FABP6: variants seen among roughly 807,000 people sequenced by gnomAD.
FABP6 encodes gastrotropin.
Under a neutral mutation model 14.9 loss-of-function variants are expected in FABP6, and 13 were observed. The observed-to-expected ratio is 0.87, with a 90% CI of 0.57 to 1.39. The LOEUF (loss-of-function observed/expected upper bound fraction) is 1.39, where lower values mean the gene tolerates loss of function less well. Among genes scored for constraint, FABP6 ranks in the 40% most tolerant of loss-of-function variants. FABP6 has a pLI of 0.00. For missense variants in FABP6, 161 were observed against 167.2 expected (o/e 0.96, Z 0.20); for synonymous variants, 75 against 63.6 (o/e 1.18, Z -0.85).
intron 2 of FABP6, chr5:160,199,282 G>A (rs1759579474): frequency 1.1e-6 from 1 of 940,582 alleles, no homozygotes. Context: ...TAACAGACTT[G>A]TCATGGCTCC....
At chr5:160,233,317 A>C (rs893457519) in intron 2 of FABP6, among the ~76,000 whole-genome samples, 1 of 151,992 alleles carries the variant, frequency 6.6e-6, no homozygotes, top group African/African-American at 2.4e-5. Context: ...TGTGTAGCAC[A>C]GAGATAAAGA....
intron 2 of FABP6, among the ~76,000 whole-genome samples, chr5:160,233,578 A>G (rs1760438366): frequency 6.6e-6 from 1 of 152,142 alleles, no homozygotes; most frequent in Admixed American, 6.5e-5. Flanking sequence ...CTTTTGTTTT[A>G]GAAGTGAAGA....
chr5:160,231,093 C>T (rs567127615), intron 1 of FABP6, among the ~76,000 whole-genome samples: 1 of 152,304 alleles, frequency 6.6e-6, no homozygotes, highest in Admixed American at 6.5e-5. Context: ...CCGTGCCCTC[C>T]CTCTTGGTGG....
rs369511552 is a variant in FABP6 at position 160,238,635 on chromosome 5, G to A, written c.363G>A (p.Glu121=). The change falls in exon 4 of 4, where the codon GAG becomes GAA. Residue 121 remains glutamate, a synonymous_variant. Coordinates refer to ENST00000402432, the MANE Select transcript of FABP6 (RefSeq NM_001445.3). ...CCACCATCGGAGGCGTGACCTATGAGCGCGTGAGCAAGAGACTGGCCTAAG... is the reference window on the plus strand; with the variant it reads ...CCACCATCGGAGGCGTGACCTATGAACGCGTGAGCAAGAGACTGGCCTAAG... ...EVSTIGGVTY[E]RVSKRLA The A allele has an allele frequency of 9.3e-6, 15 of 1,613,944 alleles. No homozygotes were observed. In the African/African-American group the frequency reaches 2.0e-4, roughly 22 times the overall value.
At chr5:160,228,422 A>G (rs1057422186), upstream of FABP6, 1 of 456,098 alleles carries the variant, frequency 2.2e-6, no homozygotes. Flanking sequence ...TAATCACGAG[A>G]GCCTTTGCAG....
intron 2 of FABP6, 48 bp downstream of exon 2, chr5:160,232,321 C>T: frequency 6.6e-7 from 1 of 1,512,058 alleles, no homozygotes; most frequent in Non-Finnish European, 8.9e-7. Context: ...CTCCATCTGA[C>T]TTCTCCTTCT....
At chr5:160,222,186 A>G (rs1190019653) in intron 3 of FABP6, among the ~76,000 whole-genome samples, 1 of 149,060 alleles carries the variant, frequency 6.7e-6, no homozygotes, top group African/African-American at 2.5e-5. Flanking sequence ...TCAGTCTCCC[A>G]GGTGTAAGTG....
intron 2 of FABP6, among the ~76,000 whole-genome samples, chr5:160,211,789 T>C (rs556171391): frequency 1.1e-4 from 16 of 152,282 alleles, no homozygotes; most frequent in African/African-American, 3.6e-4. Context: ...TACTTAGATC[T>C]GTAAGAGCTT....
At chr5:160,215,116 A>G (rs533865860) in intron 3 of FABP6, among the ~76,000 whole-genome samples, 3 of 152,324 alleles carry the variant, frequency 2.0e-5, no homozygotes, top group African/African-American at 7.2e-5. Context: ...GGTGTTTCCT[A>G]TTGATGTATA....
intron 2 of FABP6, among the ~76,000 whole-genome samples, chr5:160,233,127 G>T (rs186107776): frequency 6.6e-6 from 1 of 151,042 alleles, no homozygotes; most frequent in African/African-American, 2.4e-5. Flanking sequence ...GATTACAGGC[G>T]TGCACCACCA....
At chr5:160,228,520 A>G, upstream of FABP6, 1 of 456,294 alleles carries the variant, frequency 2.2e-6, no homozygotes, top group Non-Finnish European at 4.4e-6. Context: ...CGGAGGAGAT[A>G]GAGTCCCTGC....
intron 2 of FABP6, among the ~76,000 whole-genome samples, chr5:160,234,380 CTTTTTTTTTT>C (rs35775372): frequency 1.2e-5 from 1 of 84,078 alleles, no homozygotes; most frequent in East Asian, 3.4e-4. Flanking sequence ...AGAAATCTGA[CTTTTTTTTTT>C]TTTTTTTTTT....
chr5:160,211,087 C>T (rs189469842), intron 2 of FABP6, among the ~76,000 whole-genome samples: 1 of 152,290 alleles, frequency 6.6e-6, no homozygotes, highest in East Asian at 1.9e-4. Flanking sequence ...CCAGCCACTG[C>T]CCTAGATCAA....
At chr5:160,191,229 G>A (rs376017881) in intron 1 of FABP6, among the ~76,000 whole-genome samples, 4 of 152,094 alleles carry the variant, frequency 2.6e-5, no homozygotes, top group Admixed American at 6.6e-5. Context: ...ACTTTGAGAG[G>A]CCAAGGTGGG....
chr5:160,232,127 C>T lies in FABP6; in HGVS notation c.97C>T (p.Arg33Cys), dbSNP rs769819096. The T allele has an allele frequency of 8.1e-6, 13 of 1,613,978 alleles. No individual in the cohort carries two copies. The highest frequency in any genetic ancestry group is 4.4e-5 in the South Asian group (4 of 91,056). ...GISSDVIEKA[R>C]NFKIVTEVQQ... ...CTCCAGCGATGTAATCGAAAAGGCC[C>T]GCAACTTCAAGATCGTCACGGAGGT... is the stretch of plus-strand genomic sequence containing the variant. The change falls in exon 2 of 4, where the codon CGC (arginine) becomes TGC (cysteine). Residue 33 changes from arginine to cysteine, a missense_variant. Physicochemically the swap from Arg to Cys is radical, Grantham distance 180. Coordinates refer to ENST00000402432, the MANE Select transcript of FABP6 (RefSeq NM_001445.3).
chr5:160,231,788 A>T (rs1055290446), intron 1 of FABP6, among the ~76,000 whole-genome samples: 1 of 152,134 alleles, frequency 6.6e-6, no homozygotes, highest in Non-Finnish European at 1.5e-5. Flanking sequence ...ATTGATGAGC[A>T]CCCACCATGT....
At chr5:160,195,802 A>G (rs1471133815) in intron 1 of FABP6, 1 of 152,130 alleles carries the variant, frequency 6.6e-6, no homozygotes, top group Non-Finnish European at 1.5e-5. Flanking sequence ...AGAAGTCCAC[A>G]GGGTATAGAG....
chr5:160,226,871 T>A (rs977997915), upstream of FABP6, among the ~76,000 whole-genome samples: 6 of 152,218 alleles, frequency 3.9e-5, no homozygotes, highest in African/African-American at 1.4e-4. Flanking sequence ...ATAGCTTTTC[T>A]GAAAGGCAGT....
At chr5:160,236,483 G>A (rs1343821731) in intron 3 of FABP6, among the ~76,000 whole-genome samples, 1 of 152,088 alleles carries the variant, frequency 6.6e-6, no homozygotes, top group Non-Finnish European at 1.5e-5. Flanking sequence ...GGCCCAAGAG[G>A]TTCCGTGCCC....
Sources: gnomAD v4.1 joint callset for allele counts (sites outside exome capture counted in the v4.1 genomes callset) on GRCh38, gnomAD v4.1.1 for gene constraint, MANE v1.5 for transcripts, NCBI Gene and HGNC (gene_info 2026-07-23, HGNC 2026-07-21) for gene names.